Variants in SLC25A31 observed in about 807,000 individuals in gnomAD.
SLC25A31 encodes ADP/ATP translocase 4.
A neutral mutation model predicts 36.2 loss-of-function variants in SLC25A31; 40 were observed. The observed-to-expected ratio is 1.10, with a 90% CI of 0.86 to 1.44. The LOEUF (loss-of-function observed/expected upper bound fraction) is 1.44, where lower values mean the gene tolerates loss of function less well. SLC25A31 is among the 40% of genes most tolerant of loss of function. SLC25A31 has a pLI of 0.00. For synonymous variants in SLC25A31, 143 were observed against 149.7 expected (o/e 0.96, Z 0.32); for missense variants, 350 against 397.1 (o/e 0.88, Z 1.01).
rs1732260101 is a variant in SLC25A31 at position 127,767,138 on chromosome 4, G to GT, written c.554dup (p.Leu185PhefsTer24). ...ATAGCAAAATCAGATGGAATTGCTG[G>GT]TTTATACCAAGGGTTTGGTGTTTCA... On this transcript the variant is annotated frameshift_variant, in exon 4 of 6. Transcript: ENST00000281154. LOFTEE classifies it high-confidence loss of function. The GT allele has an allele frequency of 6.2e-7, 1 of 1,613,676 alleles. No individual in the cohort carries two copies. Among genetic ancestry groups the GT allele is most frequent in the Non-Finnish European group, 8.5e-7 (1 of 1,179,820 alleles).
At chr4:127,745,318 TTC>T (rs1175659163) in intron 2 of SLC25A31, among the ~76,000 whole-genome samples, 1 of 151,642 alleles carries the variant, frequency 6.6e-6, no homozygotes, top group African/African-American at 2.4e-5. Context: ...TTTTTTTTTT[TTC>T]GAAGTAATTA....
At position 127,761,459 on chromosome 4, in the gene SLC25A31, C is replaced by T. The variant is rs145186325; in HGVS notation, c.361-2784C>T. Among the ~76,000 whole-genome samples, 5 of 152,276 alleles carry T rather than the reference C, an allele frequency of 3.3e-5. No individual in the cohort carries two copies. The East Asian group carries it at 7.7e-4, about 23-fold the overall frequency. On this transcript the variant is annotated intron_variant, in intron 2 of 5. Transcript: ENST00000281154. Reference sequence around the variant, plus strand: ...ATGATTTATTGTAATGATACAGTGGCACTTGAATTTCAGCCACAGGCACCT... The same window carrying T: ...ATGATTTATTGTAATGATACAGTGGTACTTGAATTTCAGCCACAGGCACCT...
chr4:127,748,231 C>T (rs778280554), intron 2 of SLC25A31, among the ~76,000 whole-genome samples: 14 of 152,204 alleles, frequency 9.2e-5, no homozygotes, highest in Non-Finnish European at 1.3e-4. Flanking sequence ...CTGAGTCACT[C>T]ACCTCAGTCC....
At chr4:127,761,851 T>C (rs1472901609) in intron 2 of SLC25A31, among the ~76,000 whole-genome samples, 3 of 152,220 alleles carry the variant, frequency 2.0e-5, no homozygotes, top group Admixed American at 2.0e-4. Context: ...GTATTGAATA[T>C]TTAAAGTTCA....
At chr4:127,758,937 T>C (rs962240182) in intron 2 of SLC25A31, among the ~76,000 whole-genome samples, 1 of 152,188 alleles carries the variant, frequency 6.6e-6, no homozygotes, top group Non-Finnish European at 1.5e-5. Context: ...TTGCGTGGGA[T>C]TCCTTTGGCA....
intron 2 of SLC25A31, among the ~76,000 whole-genome samples, chr4:127,750,393 C>G (rs557069732): frequency 6.6e-6 from 1 of 152,068 alleles, no homozygotes; most frequent in Non-Finnish European, 1.5e-5. Flanking sequence ...ATTGGAAGTC[C>G]AAATACTCCT....
At chr4:127,762,966 G>T (rs1732171461) in intron 2 of SLC25A31, among the ~76,000 whole-genome samples, 1 of 151,360 alleles carries the variant, frequency 6.6e-6, no homozygotes, top group Non-Finnish European at 1.5e-5. Context: ...GAGTATAAAT[G>T]TACACAAATA....
rs1732173715 is a variant in SLC25A31, at chr4:127,763,092, C to G, written c.361-1151C>G. ...CTTGGGTGACAGAGCTAGACTCCAT[C>G]TCAGAAAAAAAAAGAGTCTATAACA... On this transcript the variant is annotated intron_variant, in intron 2 of 5. Coordinates refer to ENST00000281154, the MANE Select transcript of SLC25A31 (RefSeq NM_031291.4). Among the ~76,000 whole-genome samples, 3 of 151,704 alleles carry G rather than the reference C, an allele frequency of 2.0e-5. No individual in the cohort carries two copies. The South Asian group carries it at 6.2e-4, about 32-fold the overall frequency.
At chr4:127,773,227 G>A (rs1732399419) in intron 5 of SLC25A31, among the ~76,000 whole-genome samples, 159 bp from the exon 6 acceptor site, 1 of 152,174 alleles carries the variant, frequency 6.6e-6, no homozygotes, top group African/African-American at 2.4e-5. Context: ...TGAAAAGTAT[G>A]AATGTTCTCT....
chr4:127,762,357 T>A (rs1481513586), intron 2 of SLC25A31, among the ~76,000 whole-genome samples: 2 of 152,156 alleles, frequency 1.3e-5, no homozygotes, highest in African/African-American at 4.8e-5. Flanking sequence ...TCCATTTATA[T>A]GAAATGTCCA....
chr4:127,773,811 ATATTT>A lies in SLC25A31; in HGVS notation c.*240_*244del. 3.1e-6 allele frequency: 1 copy of A among 321,990 alleles called. No homozygotes were observed. The highest frequency in any genetic ancestry group is 5.6e-6 in the Non-Finnish European group (1 of 179,860). 19.9% of individuals were successfully genotyped at this position (321,990 alleles called of 1,614,324 possible). On this transcript the variant is annotated 3_prime_UTR_variant, in exon 6 of 6. Coordinates refer to ENST00000281154, the MANE Select transcript of SLC25A31 (RefSeq NM_031291.4). ...TGATATTTCATTTATTATAGGTAGT[ATATTT>A]TAATTTGTTAGTTTAAAATTCTTTT...
chr4:127,767,923 TAAG>T lies in SLC25A31; in HGVS notation c.633+706_633+708del, dbSNP rs1470177533. On this transcript the variant is annotated intron_variant, in intron 4 of 5. Coordinates refer to ENST00000281154, the MANE Select transcript of SLC25A31 (RefSeq NM_031291.4). ...AAAAACCTATTGAAATAAAAAGTAA[TAAG>T]AAAATAAAGATAATTGTAGTTGTTT... Among the ~76,000 whole-genome samples, 13 of 150,324 alleles carry T rather than the reference TAAG, an allele frequency of 8.6e-5. No homozygotes were observed. In the South Asian group the frequency reaches 1.7e-3, roughly 19 times the overall value.
At chr4:127,760,496 C>G (rs1578668017) in intron 2 of SLC25A31, among the ~76,000 whole-genome samples, 1 of 152,152 alleles carries the variant, frequency 6.6e-6, no homozygotes. Context: ...ATAAACTGCT[C>G]CTCAGCCACC....
chr4:127,755,974 A>G (rs1732024153), intron 2 of SLC25A31, among the ~76,000 whole-genome samples: 2 of 152,046 alleles, frequency 1.3e-5, no homozygotes, highest in Admixed American at 1.3e-4. Flanking sequence ...TGGAGGTTGC[A>G]GTGAGCCGAG....
At chr4:127,753,181 C>T (rs938036051) in intron 2 of SLC25A31, among the ~76,000 whole-genome samples, 1 of 151,914 alleles carries the variant, frequency 6.6e-6, no homozygotes, top group Non-Finnish European at 1.5e-5. Flanking sequence ...CACAACATAG[C>T]AAAACTTATA....
At chr4:127,758,826 C>T (rs1732077876) in intron 2 of SLC25A31, among the ~76,000 whole-genome samples, 1 of 152,092 alleles carries the variant, frequency 6.6e-6, no homozygotes, top group Non-Finnish European at 1.5e-5. Flanking sequence ...TTCCATTGGT[C>T]TATGTGTCTG....
intron 1 of SLC25A31, among the ~76,000 whole-genome samples, chr4:127,735,892 A>ATTTT (rs869204653): frequency 0.031 from 1,213 of 38,584 alleles, 19 homozygotes; most frequent in South Asian, 0.057. Flanking sequence ...TTATTTATTT[A>ATTTT]TTTATTTTTT....
chr4:127,762,188 C>A (rs993569976), intron 2 of SLC25A31, among the ~76,000 whole-genome samples: 1 of 152,056 alleles, frequency 6.6e-6, no homozygotes, highest in African/African-American at 2.4e-5. Flanking sequence ...TGGAAACAAC[C>A]CAAATGTTCA....
chr4:127,764,314 T>G lies in SLC25A31; in HGVS notation c.432T>G (p.Tyr144Ter). The change falls in exon 3 of 6, where the codon TAT becomes TAG. Residue 144 changes from tyrosine (Y) to a stop codon, truncating the protein, a stop_gained. Transcript: ENST00000281154. LOFTEE classifies it high-confidence loss of function. Reference sequence around the variant, plus strand: ...GGGCAACATCCTTATGTGTAGTATATCCTCTAGATTTTGCCCGAACCCGAT... The same window carrying G: ...GGGCAACATCCTTATGTGTAGTATAGCCTCTAGATTTTGCCCGAACCCGAT... ...AAGATSLCVVYPLDFARTRLG... is the reference protein window; with the variant it reads ...AAGATSLCVV The G allele has an allele frequency of 1.2e-6, 2 of 1,614,086 alleles. No individual in the cohort carries two copies. The highest frequency in any genetic ancestry group is 1.7e-6 in the Non-Finnish European group (2 of 1,179,976).
Sources: allele counts gnomAD v4.1 joint callset (sites outside exome capture counted in the v4.1 genomes callset), GRCh38; gene constraint gnomAD v4.1.1; transcripts MANE v1.5; gene names NCBI Gene and HGNC (gene_info 2026-07-23, HGNC 2026-07-21).